EIF2AK1: variants seen among roughly 807,000 people sequenced by gnomAD.
EIF2AK1 encodes eukaryotic translation initiation factor 2 alpha kinase 1, also known as eukaryotic translation initiation factor 2-alpha kinase 1.
A neutral mutation model predicts 77.9 loss-of-function variants in EIF2AK1; 54 were observed. The ratio of observed to expected loss-of-function variants is 0.69; its 90% CI spans 0.56 to 0.87. The LOEUF (loss-of-function observed/expected upper bound fraction) is 0.87. Ranked by LOEUF, EIF2AK1 falls within the 40% of genes least tolerant of loss-of-function variation. EIF2AK1 has a pLI of 0.00. For missense variants in EIF2AK1, 810 were observed against 768.6 expected (o/e 1.05, Z -0.64); for synonymous variants, 314 against 290.5 (o/e 1.08, Z -0.82).
chr7:6,037,359 C>A (rs1379613375), intron 11 of EIF2AK1, 65 bp downstream of exon 11: 8 of 1,028,478 alleles, frequency 7.8e-6, no homozygotes, highest in Non-Finnish European at 1.2e-5. Flanking sequence ...TTTAATCAAC[C>A]AACATCAAGT....
rs1176058367 is a variant in EIF2AK1 at position 6,036,706 on chromosome 7, G to A, written c.1332+718C>T. 1.3e-5 allele frequency among the ~76,000 whole-genome samples: 2 copies of A among 151,520 alleles called. No individual in the cohort carries two copies. The highest frequency in any genetic ancestry group is 3.9e-4 in the East Asian group (2 of 5,166). ...GCCTTTTGTGGATAAAAATCAAATAGTCATTATAGACTTTTCTAAAACAGC... is the reference window on the plus strand; with the variant it reads ...GCCTTTTGTGGATAAAAATCAAATAATCATTATAGACTTTTCTAAAACAGC... On this transcript the variant is annotated intron_variant, in intron 11 of 14. Coordinates refer to ENST00000199389, the MANE Select transcript of EIF2AK1 (RefSeq NM_014413.4). This position sits in a 1 kb window ranked among gnomAD's most constrained non-coding sequence, Gnocchi z 4.6.
At chr7:6,055,982 CAAAAAAAAAA>C (rs755531680) in intron 1 of EIF2AK1, among the ~76,000 whole-genome samples, 1 of 23,984 alleles carries the variant, frequency 4.2e-5, no homozygotes, top group Non-Finnish European at 6.8e-5. Flanking sequence ...AACTCTGTCT[CAAAAAAAAAA>C]AAAAAAAAAA....
Position 6,044,584 on chromosome 7 carries a change from A to T in EIF2AK1, c.708T>A (p.His236Gln). Residue 236 changes from histidine to glutamine, a missense_variant, in exon 7 of 15, where the codon CAT becomes CAA. By Grantham distance (24) the His-to-Gln change is conservative (BLOSUM62 0). Around this residue, in one of 3 missense-constraint regions of EIF2AK1, gnomAD observed 549 missense variants for 533.7 expected, o/e 1.03. Transcript: ENST00000199389. ...TACCTCGTGGCTGAATCACATGAACATGTTCTATCCACGCGGTGTGATAGC... is the reference window on the plus strand; with the variant it reads ...TACCTCGTGGCTGAATCACATGAACTTGTTCTATCCACGCGGTGTGATAGC... ...IVGYHTAWIE[H>Q]VHVIQPRADR... The T allele has an allele frequency of 6.2e-7, 1 of 1,613,996 alleles. No homozygotes were observed. The highest frequency in any genetic ancestry group is 2.2e-5 in the East Asian group (1 of 44,880).
At position 6,024,510 on chromosome 7, in the gene EIF2AK1, CT is replaced by C; in HGVS notation, c.*162del. On this transcript the variant is annotated 3_prime_UTR_variant, in exon 15 of 15. Transcript: ENST00000199389. ...TAGGTAGGAAATTCAGGAAAAGGAGCTTGTGGGGCAGGAAGGGAAGGAACGG... is the reference window on the plus strand; with the variant it reads ...TAGGTAGGAAATTCAGGAAAAGGAGCTGTGGGGCAGGAAGGGAAGGAACGG... The C allele has an allele frequency of 7.0e-7, 1 of 1,432,074 alleles. No homozygotes were observed. Among genetic ancestry groups the C allele is most frequent in the Non-Finnish European group, 9.1e-7 (1 of 1,099,320 alleles). 88.7% of individuals were successfully genotyped at this position (1,432,074 alleles called of 1,614,324 possible). A position where few individuals can be genotyped will look rare whatever the true frequency, so the allele number is the denominator to read the frequency against.
rs796905728 is a variant in EIF2AK1 at position 6,032,325 on chromosome 7, G to A, written c.1333-3293C>T. 8.5e-5 allele frequency among the ~76,000 whole-genome samples: 13 copies of A among 152,330 alleles called. No individual in the cohort carries two copies. The highest frequency in any genetic ancestry group is 3.1e-4 in the African/African-American group (13 of 41,582). ...TACTGTCTTATCTTGCAGCCACGGT[G>A]TGAAACCACTACTTACACGTGTGTA... On this transcript the variant is annotated intron_variant, in intron 11 of 14. Coordinates refer to ENST00000199389, the MANE Select transcript of EIF2AK1 (RefSeq NM_014413.4). This position sits in a 1 kb window ranked among gnomAD's most constrained non-coding sequence, Gnocchi z 4.3.
rs1020932367 is a variant in EIF2AK1 at position 6,026,820 on chromosome 7, T to G, written c.1672A>C (p.Lys558Gln). ...SLRKRCPVQA[K>Q]YIQHLTRRNS... ...CTTCTCGTTAAGTGCTGGATATACT[T>G]GGCTTGCACTGGACACCTTTTACGG... The change falls in exon 14 of 15, where the codon AAG (lysine) becomes CAG (glutamine). Residue 558 changes from lysine to glutamine, a missense_variant. Lys to Gln is a moderately conservative substitution (Grantham distance 53). Transcript: ENST00000199389. 6.2e-7 allele frequency: 1 copy of G among 1,614,102 alleles called. No individual in the cohort carries two copies. The highest frequency in any genetic ancestry group is 1.3e-5 in the African/African-American group (1 of 74,932).
At position 6,036,294 on chromosome 7, in the gene EIF2AK1, G is replaced by A; in HGVS notation, c.1332+1130C>T. On this transcript the variant is annotated intron_variant, in intron 11 of 14. Coordinates refer to ENST00000199389, the MANE Select transcript of EIF2AK1 (RefSeq NM_014413.4). This position sits in a 1 kb window ranked among gnomAD's most constrained non-coding sequence, Gnocchi z 4.6. ...CAAAAGAAACATCAGGAATATTTAT[G>A]GTGAGAAATACAAACAGCACTTGAA... is the stretch of plus-strand genomic sequence containing the variant. The A allele has an allele frequency of 1.3e-6, 2 of 1,548,542 alleles. No individual in the cohort carries two copies. The highest frequency in any genetic ancestry group is 1.7e-6 in the Non-Finnish European group (2 of 1,146,542).
intron 1 of EIF2AK1, among the ~76,000 whole-genome samples, chr7:6,055,221 T>C (rs572208519): frequency 2.8e-4 from 43 of 150,934 alleles, no homozygotes; most frequent in African/African-American, 1.0e-3. Flanking sequence ...CAGGCGCCTG[T>C]AATCCCAGCT....
At chr7:6,038,895 A>G (rs566755638) in intron 9 of EIF2AK1, among the ~76,000 whole-genome samples, 8 of 152,148 alleles carry the variant, frequency 5.3e-5, no homozygotes, top group Non-Finnish European at 1.2e-4. Flanking sequence ...GAGACTGATA[A>G]TTAAAACCGG....
At chr7:6,029,975 G>A (rs1281486936) in intron 11 of EIF2AK1, among the ~76,000 whole-genome samples, 1 of 150,386 alleles carries the variant, frequency 6.6e-6, no homozygotes, top group Non-Finnish European at 1.5e-5. Flanking sequence ...GTGAGACTCT[G>A]TCTCAAAAAA....
chr7:6,036,239 G>C lies in EIF2AK1; in HGVS notation c.1332+1185C>G. On this transcript the variant is annotated intron_variant, in intron 11 of 14. Coordinates refer to ENST00000199389, the MANE Select transcript of EIF2AK1 (RefSeq NM_014413.4). The surrounding 1 kb of genome is among the most constrained non-coding windows in gnomAD (Gnocchi z 4.6). ...TAAGGGACACCCTAATAAAGCAATCGCAAAAACCTTTATCCCTACAGGGTA... is the reference window on the plus strand; with the variant it reads ...TAAGGGACACCCTAATAAAGCAATCCCAAAAACCTTTATCCCTACAGGGTA... 6 of 1,549,346 alleles carry C rather than the reference G, an allele frequency of 3.9e-6. No individual in the cohort carries two copies. The highest frequency in any genetic ancestry group is 2.4e-5 in the South Asian group (2 of 83,972).
chr7:6,055,689 A>C (rs1038563258), intron 1 of EIF2AK1, among the ~76,000 whole-genome samples: 1 of 151,706 alleles, frequency 6.6e-6, no homozygotes, highest in African/African-American at 2.4e-5. Flanking sequence ...AAAAAAAAAA[A>C]AAAAAACCTA....
rs944495271 is a variant in EIF2AK1 at position 6,026,525 on chromosome 7, T to C, written c.1764+203A>G. 34 of 701,050 alleles carry C rather than the reference T, an allele frequency of 4.8e-5. 1 individual carries two copies. Among genetic ancestry groups the C allele is most frequent in the African/African-American group, 2.5e-4 (14 of 56,910 alleles). The allele number at this position is 701,050 out of a possible 1,614,324, so 43.4% of individuals were successfully genotyped here. On this transcript the variant is annotated intron_variant, in intron 14 of 14. Coordinates refer to ENST00000199389, the MANE Select transcript of EIF2AK1 (RefSeq NM_014413.4). ...CTGTGCCTGCTGAGGCCACAGCTGC[T>C]ACCCCAAGGGGAGTGAGTCCTGCCA...
At chr7:6,049,785 C>T in intron 3 of EIF2AK1, 127 bp downstream of exon 3, 2 of 909,774 alleles carry the variant, frequency 2.2e-6, no homozygotes, top group Non-Finnish European at 3.2e-6. Context: ...CACCACCATG[C>T]CTGGCCTAGA....
Position 6,029,046 on chromosome 7 carries a change from A to G in EIF2AK1, c.1333-14T>C. 6.3e-7 allele frequency: 1 copy of G among 1,585,092 alleles called. No individual in the cohort carries two copies. The highest frequency in any genetic ancestry group is 1.1e-5 in the South Asian group (1 of 88,522). ...AATATTTCTTGGCTATCAACAAACAAAACAAGTCAACTCCTTGGCTTTCTT... is the reference window on the plus strand; with the variant it reads ...AATATTTCTTGGCTATCAACAAACAGAACAAGTCAACTCCTTGGCTTTCTT... On this transcript the variant is annotated splice_polypyrimidine_tract_variant and intron_variant, in intron 11 of 14. Transcript: ENST00000199389.
intron 11 of EIF2AK1, among the ~76,000 whole-genome samples, chr7:6,030,337 T>C (rs1269620516): frequency 1.3e-5 from 2 of 152,134 alleles, no homozygotes; most frequent in South Asian, 2.1e-4. Context: ...GGGTCTTGCA[T>C]GCTAGGAGAT....
chr7:6,032,204 C>G lies in EIF2AK1; in HGVS notation c.1333-3172G>C, dbSNP rs1421030875. Among the ~76,000 whole-genome samples, 1 of 152,026 alleles carries G rather than the reference C, an allele frequency of 6.6e-6. No individual in the cohort carries two copies. The highest frequency in any genetic ancestry group is 2.4e-5 in the African/African-American group (1 of 41,410). On this transcript the variant is annotated intron_variant, in intron 11 of 14. Coordinates refer to ENST00000199389, the MANE Select transcript of EIF2AK1 (RefSeq NM_014413.4). The surrounding 1 kb of genome is among the most constrained non-coding windows in gnomAD (Gnocchi z 4.3). ...CAAACAAACAAAAAATAGTTTTTCC[C>G]TTTTTAATATATACATTTTCATTTT...
At chr7:6,028,775 G>T in intron 12 of EIF2AK1, 78 bp from the exon 13 acceptor site, 1 of 1,458,488 alleles carries the variant, frequency 6.9e-7, no homozygotes, top group Non-Finnish European at 9.6e-7. Flanking sequence ...TGAGGAAGCA[G>T]TGTAGCTCCT....
chr7:6,042,753 C>A (rs546027227), intron 8 of EIF2AK1, among the ~76,000 whole-genome samples, 180 bp downstream of exon 8: 28 of 152,212 alleles, frequency 1.8e-4, no homozygotes, highest in African/African-American at 6.3e-4. Context: ...ATAGTCCCAG[C>A]TATTCGGGAA....
Sources: allele counts gnomAD v4.1 joint callset (sites outside exome capture counted in the v4.1 genomes callset), GRCh38; gene constraint gnomAD v4.1.1; regional missense constraint gnomAD v4.1.1; non-coding constraint Gnocchi (gnomAD v3.1); transcripts MANE v1.5; gene names NCBI Gene and HGNC (gene_info 2026-07-23, HGNC 2026-07-21).